CSMD2: variants seen among roughly 807,000 people sequenced by gnomAD.
CSMD2 encodes the protein CUB and Sushi multiple domains 2.
In CSMD2, 130 loss-of-function variants were observed where a neutral mutation model predicts 398.5. That is an observed-to-expected ratio of 0.33 (90% CI 0.28 to 0.38). The LOEUF is 0.38. Among genes scored for constraint, CSMD2 ranks in the 10% least tolerant of loss-of-function variants. The pLI, the probability that CSMD2 is intolerant of heterozygous loss-of-function variation, is 1.00. For synonymous variants in CSMD2, 1,828 were observed against 1,908.5 expected (o/e 0.96, Z 1.10); for missense variants, 3,829 against 4,764.9 (o/e 0.80, Z 5.78).
chr1:33,860,559 C>A (rs1418716990), intron 5 of CSMD2: 3 of 152,122 alleles, frequency 2.0e-5, no homozygotes, highest in African/African-American at 7.2e-5. Flanking sequence ...GTGGCTAAGT[C>A]CAGCCCACAC....
At chr1:33,773,435 A>G (rs915193481) in intron 12 of CSMD2, among the ~76,000 whole-genome samples, 9 of 152,242 alleles carry the variant, frequency 5.9e-5, no homozygotes, top group Admixed American at 1.3e-4. Context: ...TTGAGTCAAC[A>G]GTGGTGAGAC....
At chr1:33,567,493 A>ATATATATATATATT in intron 53 of CSMD2, 100 bp downstream of exon 53, 2 of 779,736 alleles carry the variant, frequency 2.6e-6, no homozygotes, top group Non-Finnish European at 3.9e-6. Flanking sequence ...ATATATATAT[A>ATATATATATATATT]TATTTAAAAC....
intron 3 of CSMD2, among the ~76,000 whole-genome samples, chr1:33,990,706 G>A (rs913139287): frequency 2.6e-5 from 4 of 152,108 alleles, no homozygotes; most frequent in Admixed American, 6.5e-5. Context: ...TGATCTCTTC[G>A]TACCTTACAT....
At chr1:33,963,665 G>T (rs1645450899) in intron 3 of CSMD2, among the ~76,000 whole-genome samples, 1 of 152,048 alleles carries the variant, frequency 6.6e-6, no homozygotes. Flanking sequence ...AATCATACAG[G>T]ACTCATTTTG....
At chr1:33,747,896 T>C (rs1647608021) in intron 13 of CSMD2, among the ~76,000 whole-genome samples, 1 of 152,170 alleles carries the variant, frequency 6.6e-6, no homozygotes, top group African/African-American at 2.4e-5. Context: ...GCAGCCAGGG[T>C]TTGAGAACTA....
At chr1:33,592,232 A>C (rs756638231) in intron 44 of CSMD2, 1 of 621,206 alleles carries the variant, frequency 1.6e-6, no homozygotes, top group East Asian at 2.8e-5. Context: ...CTTTCTGCAC[A>C]TAGGATTGTT....
At chr1:33,908,743 C>T (rs1431700717) in intron 5 of CSMD2, among the ~76,000 whole-genome samples, 1 of 152,212 alleles carries the variant, frequency 6.6e-6, no homozygotes, top group Admixed American at 6.5e-5. Flanking sequence ...GTGCTGGAGC[C>T]CTGGCCTTCA....
chr1:33,549,451 G>A (rs1202374800), intron 56 of CSMD2, among the ~76,000 whole-genome samples: 3 of 152,218 alleles, frequency 2.0e-5, no homozygotes, highest in Non-Finnish European at 4.4e-5. Flanking sequence ...TTCTGCTATT[G>A]GCAGGACAAT....
chr1:33,742,530 C>A (rs1179852829), intron 14 of CSMD2, among the ~76,000 whole-genome samples: 1 of 151,542 alleles, frequency 6.6e-6, no homozygotes, highest in Non-Finnish European at 1.5e-5. Flanking sequence ...CTGATAACCA[C>A]TTCTTGCTAT....
At chr1:33,554,250 G>A (rs972338269) in intron 55 of CSMD2, among the ~76,000 whole-genome samples, 11 of 139,982 alleles carry the variant, frequency 7.9e-5, no homozygotes, top group Admixed American at 2.3e-4. Context: ...GAGTACAGTG[G>A]CACCATCTCA....
At chr1:34,108,323 A>T (rs1379454987) in intron 1 of CSMD2, among the ~76,000 whole-genome samples, 1 of 152,240 alleles carries the variant, frequency 6.6e-6, no homozygotes, top group Non-Finnish European at 1.5e-5. Flanking sequence ...CCATGGAATC[A>T]GAAAGCCTGG....
chr1:33,586,581 G>A lies in CSMD2; in HGVS notation c.6974C>T (p.Thr2325Ile). 1 of 1,613,622 alleles carries A rather than the reference G, an allele frequency of 6.2e-7. No individual in the cohort carries two copies. Among genetic ancestry groups the A allele is most frequent in the Non-Finnish European group, 8.5e-7 (1 of 1,179,674 alleles). The stretch of plus-strand genomic sequence containing the variant: ...GGTCAGAATTTCATTCCCCACTAAG[G>A]TAAAGCCAGGGAGGCATCTGTAGCG... ...IVRYRCLPGF[T>I]LVGNEILTCK... The change falls in exon 46 of 71, where the codon ACC (threonine) becomes ATC (isoleucine). Residue 2325 changes from threonine to isoleucine, a missense_variant. Transcript: ENST00000373381.
At chr1:33,531,940 G>T (rs1442177740) in intron 64 of CSMD2, among the ~76,000 whole-genome samples, 2 of 152,138 alleles carry the variant, frequency 1.3e-5, no homozygotes, top group African/African-American at 4.8e-5. Flanking sequence ...CCACTGAATT[G>T]TACACTTAAA....
intron 1 of CSMD2, among the ~76,000 whole-genome samples, chr1:34,092,184 G>A (rs527456178): frequency 6.6e-6 from 1 of 152,148 alleles, no homozygotes; most frequent in South Asian, 2.1e-4. Flanking sequence ...ATATGAAAAT[G>A]ACTTTTACAG....
chr1:34,095,009 G>A (rs1172948805), intron 1 of CSMD2, among the ~76,000 whole-genome samples: 1 of 134,056 alleles, frequency 7.5e-6, no homozygotes, highest in Non-Finnish European at 1.6e-5. Flanking sequence ...ATAGTTGGAA[G>A]TAAAGCTCTC....
chr1:34,028,918 C>A (rs1251294724), intron 3 of CSMD2, among the ~76,000 whole-genome samples: 7 of 152,176 alleles, frequency 4.6e-5, no homozygotes, highest in Non-Finnish European at 1.0e-4. Context: ...CAGCCGTGGG[C>A]TGACACTCAT....
At chr1:33,742,083 G>A (rs1420729739) in intron 14 of CSMD2, among the ~76,000 whole-genome samples, 1 of 152,202 alleles carries the variant, frequency 6.6e-6, no homozygotes, top group Non-Finnish European at 1.5e-5. Flanking sequence ...ACTAGGGTTA[G>A]GAAAGACAGA....
chr1:33,739,363 C>A, intron 14 of CSMD2, 29 bp from the exon 15 acceptor site: 1 of 1,584,806 alleles, frequency 6.3e-7, no homozygotes, highest in South Asian at 1.1e-5. Context: ...AGGACATGAT[C>A]AGACATTGCT....
intron 3 of CSMD2, among the ~76,000 whole-genome samples, chr1:33,956,063 T>G (rs1033848788): frequency 4.6e-5 from 7 of 152,164 alleles, no homozygotes; most frequent in African/African-American, 1.7e-4. Context: ...GGCTTGGCCT[T>G]TTACCAACTA....
Sources: gnomAD v4.1 joint callset for allele counts (sites outside exome capture counted in the v4.1 genomes callset) on GRCh38, gnomAD v4.1.1 for gene constraint, MANE v1.5 for transcripts, NCBI Gene and HGNC (gene_info 2026-07-23, HGNC 2026-07-21) for gene names.